Variants in AKT3 observed in about 807,000 individuals in gnomAD.
AKT3 encodes AKT serine/threonine kinase 3.
In AKT3, 15 loss-of-function variants were observed where a neutral mutation model predicts 65.3. The ratio of observed to expected loss-of-function variants is 0.23; its 90% CI spans 0.15 to 0.35. The LOEUF (loss-of-function observed/expected upper bound fraction) is 0.35, where lower values mean the gene tolerates loss of function less well. Among genes scored for constraint, AKT3 ranks in the 10% least tolerant of loss-of-function variants. The probability of loss-of-function intolerance (pLI) is 1.00; values close to 1 mark genes in which losing one functional copy is unlikely to be tolerated. For missense variants in AKT3, 243 were observed against 576.5 expected, an observed-to-expected ratio of 0.42 and a Z score of 5.92; for synonymous variants, 206 against 183.8, an observed-to-expected ratio of 1.12 and a Z score of -0.98.
intron 2 of AKT3, among the ~76,000 whole-genome samples, chr1:243,747,176 T>C (rs1688521141): frequency 6.6e-6 from 1 of 152,112 alleles, no homozygotes. Context: ...ATTATCTAAA[T>C]AAACTTACTG....
At chr1:243,798,650 A>C (rs1201245483) in intron 2 of AKT3, among the ~76,000 whole-genome samples, 3 of 152,084 alleles carry the variant, frequency 2.0e-5, no homozygotes, top group Admixed American at 6.5e-5. Flanking sequence ...ACTCCTAGAC[A>C]GCAAACAAAC....
chr1:243,687,526 T>C (rs1684405498), intron 3 of AKT3: 1 of 152,140 alleles, frequency 6.6e-6, no homozygotes, highest in South Asian at 2.1e-4. Context: ...CTTTCAGAGA[T>C]GCAGAGGGTT....
At chr1:243,606,726 G>A (rs1677453921) in intron 8 of AKT3, among the ~76,000 whole-genome samples, 1 of 152,228 alleles carries the variant, frequency 6.6e-6, no homozygotes. Flanking sequence ...ATGTCTTCAG[G>A]GCATTTCAGA....
chr1:243,745,374 T>C (rs949560177), intron 2 of AKT3, among the ~76,000 whole-genome samples: 1 of 152,142 alleles, frequency 6.6e-6, no homozygotes, highest in African/African-American at 2.4e-5. Context: ...ATATCAATTT[T>C]TAAGAAAACG....
In AKT3 at chr1:243,619,847, G is replaced by GAT. The variant is rs1248077342; in HGVS notation, c.562-4688_562-4687dup. Among the ~76,000 whole-genome samples the GAT allele has an allele frequency of 5.1e-5, 5 of 97,918 alleles. 1 individual carries two copies. The highest frequency in any genetic ancestry group is 1.3e-4 in the African/African-American group (5 of 37,996). The allele number at this position is 97,918 out of a possible 152,430, so 64.2% of individuals were successfully genotyped here. ...CGATATGATGATTTCCTTTGTTTTGGATATATATATGGTAGTTCTATTTTT... is the reference window on the plus strand; with the variant it reads ...CGATATGATGATTTCCTTTGTTTTGGATATATATATATGGTAGTTCTATTTTT... On this transcript the variant is annotated intron_variant, in intron 6 of 13. Coordinates refer to ENST00000673466, the MANE Select transcript of AKT3 (RefSeq NM_005465.7).
At chr1:243,631,733 C>T (rs750568894) in intron 6 of AKT3, among the ~76,000 whole-genome samples, 4 of 152,228 alleles carry the variant, frequency 2.6e-5, no homozygotes, top group East Asian at 1.9e-4. Context: ...CAACCTGCCA[C>T]TGCTTTATCA....
intron 4 of AKT3, among the ~76,000 whole-genome samples, chr1:243,648,990 A>G (rs951524950): frequency 1.4e-4 from 21 of 152,116 alleles, no homozygotes; most frequent in African/African-American, 4.8e-4. Context: ...GCTTAAGTTA[A>G]CGATGTGAGA....
intron 10 of AKT3, among the ~76,000 whole-genome samples, chr1:243,562,372 A>G (rs556144363): frequency 6.6e-6 from 1 of 152,282 alleles, no homozygotes; most frequent in Non-Finnish European, 1.5e-5. Context: ...AGTGATGAAA[A>G]TATTCTGGAA....
intron 2 of AKT3, among the ~76,000 whole-genome samples, chr1:243,755,346 T>C (rs1689067145): frequency 6.6e-6 from 1 of 151,914 alleles, no homozygotes; most frequent in Non-Finnish European, 1.5e-5. Flanking sequence ...AGTGCTAGGA[T>C]TACAGGCATA....
At chr1:243,851,013 C>T (rs1306006502), upstream of AKT3, 2 of 152,276 alleles carry the variant, frequency 1.3e-5, no homozygotes, top group African/African-American at 4.8e-5. Flanking sequence ...CCGCCGCGGC[C>T]CCTTGGGGAG....
chr1:243,842,798 A>T (rs1695325279), intron 2 of AKT3, among the ~76,000 whole-genome samples: 1 of 152,210 alleles, frequency 6.6e-6, no homozygotes, highest in Non-Finnish European at 1.5e-5. Context: ...ACTTTTACAT[A>T]TATTAAATGA....
intron 1 of AKT3, among the ~76,000 whole-genome samples, chr1:243,849,216 T>C (rs1695645092): frequency 6.6e-6 from 1 of 152,154 alleles, no homozygotes; most frequent in Non-Finnish European, 1.5e-5. Context: ...GGCTGGTCTG[T>C]TTACTTGCAG....
intron 13 of AKT3, among the ~76,000 whole-genome samples, chr1:243,511,712 G>T (rs528339749): frequency 1.3e-5 from 2 of 152,212 alleles, no homozygotes; most frequent in African/African-American, 4.8e-5. Context: ...CCTCATTACA[G>T]CTCCACTTAT....
chr1:243,843,944 C>T (rs1695398947), intron 1 of AKT3, among the ~76,000 whole-genome samples: 1 of 152,166 alleles, frequency 6.6e-6, no homozygotes, highest in Non-Finnish European at 1.5e-5. Context: ...GCCACCACAA[C>T]CAGTCGTGAA....
chr1:243,838,480 T>TA (rs1433831544), intron 2 of AKT3, among the ~76,000 whole-genome samples: 3 of 150,680 alleles, frequency 2.0e-5, no homozygotes, highest in African/African-American at 7.3e-5. Flanking sequence ...ATTTTGTGAA[T>TA]AAAAAATGAA....
intron 2 of AKT3, among the ~76,000 whole-genome samples, chr1:243,822,109 CAAGATT>C (rs1235559431): frequency 6.6e-6 from 1 of 152,152 alleles, no homozygotes; most frequent in Non-Finnish European, 1.5e-5. Flanking sequence ...AATCAGAACT[CAAGATT>C]AAGAAACTCA....
At chr1:243,849,386 A>ACCCC (rs57424400) in intron 1 of AKT3, among the ~76,000 whole-genome samples, 1,634 of 107,120 alleles carry the variant, frequency 0.015, 5 homozygotes, top group African/African-American at 0.023. Context: ...CCACACACAC[A>ACCCC]CCCCCCCCCC....
chr1:243,705,874 C>G (rs2148058689), intron 2 of AKT3, among the ~76,000 whole-genome samples: 1 of 152,278 alleles, frequency 6.6e-6, no homozygotes, highest in East Asian at 1.9e-4. Context: ...CTGTTTACTG[C>G]ATTAGAGCAG....
chr1:243,497,343 G>T (rs1422032967), downstream of AKT3, among the ~76,000 whole-genome samples: 1 of 146,380 alleles, frequency 6.8e-6, no homozygotes, highest in South Asian at 2.2e-4. Context: ...CGGGTGGGGG[G>T]GGGGGCGTTG....
Sources: gnomAD v4.1 joint callset for allele counts (sites outside exome capture counted in the v4.1 genomes callset) on GRCh38, gnomAD v4.1.1 for gene constraint, MANE v1.5 for transcripts, NCBI Gene and HGNC (gene_info 2026-07-23, HGNC 2026-07-21) for gene names.